SGCD: variants seen among roughly 807,000 people sequenced by gnomAD.
SGCD encodes the protein sarcoglycan delta.
A neutral mutation model predicts 36.6 loss-of-function variants in SGCD; 18 were observed. The ratio of observed to expected loss-of-function variants is 0.49; its 90% CI spans 0.34 to 0.73. SGCD has a LOEUF of 0.73. Among genes scored for constraint, SGCD ranks in the 30% least tolerant of loss-of-function variants. SGCD has a pLI of 0.01. For synonymous variants in SGCD, 133 were observed against 130.6 expected (o/e 1.02, Z -0.12); for missense variants, 387 against 346.7 (o/e 1.12, Z -0.92).
rs74654850 is a variant in SGCD at position 156,416,552 on chromosome 5, A to G, written c.192+71875A>G. Among the ~76,000 whole-genome samples, 319 of 152,276 alleles carry G rather than the reference A, an allele frequency of 2.1e-3. 7 individuals carry two copies. The East Asian group carries it at 0.045, about 22-fold the overall frequency. ...TTTAAATGAAAAAAATGGGGGGGGAAAAAAGTGCTTTGGCACCTTAATTTG... is the reference window on the plus strand; with the variant it reads ...TTTAAATGAAAAAAATGGGGGGGGAGAAAAGTGCTTTGGCACCTTAATTTG... On this transcript the variant is annotated intron_variant, in intron 3 of 8. Transcript: ENST00000337851.
chr5:156,040,202 T>C (rs1377928003), intron 1 of SGCD, among the ~76,000 whole-genome samples: 1 of 152,198 alleles, frequency 6.6e-6, no homozygotes, highest in Non-Finnish European at 1.5e-5. Flanking sequence ...TCCTTTTACA[T>C]TAAGCAGACC....
At chr5:156,231,726 T>C (rs574127945) in intron 3 of SGCD, among the ~76,000 whole-genome samples, 48 of 152,276 alleles carry the variant, frequency 3.2e-4, no homozygotes, top group Middle Eastern at 3.4e-3. Context: ...AGAGAGCTTG[T>C]AGGGATATTG....
rs866836570 is a variant in SGCD, at chr5:156,609,348, A to T, written c.502+14297A>T. 2.7e-3 allele frequency among the ~76,000 whole-genome samples: 410 copies of T among 152,180 alleles called. 3 individuals carry two copies. Among genetic ancestry groups the T allele is most frequent in the African/African-American group, 9.4e-3 (390 of 41,534 alleles). Reference sequence around the variant, plus strand: ...TGAGATGCTGGGTTGAAAATTCTTTACTTTAAGAATGTTGAATATTGGCCC... The same window carrying T: ...TGAGATGCTGGGTTGAAAATTCTTTTCTTTAAGAATGTTGAATATTGGCCC... On this transcript the variant is annotated intron_variant, in intron 6 of 8. Transcript: ENST00000337851.
At chr5:156,071,131 T>A (rs1273085809) in intron 1 of SGCD, among the ~76,000 whole-genome samples, 1 of 152,218 alleles carries the variant, frequency 6.6e-6, no homozygotes, top group Non-Finnish European at 1.5e-5. Flanking sequence ...TCTATTTCCT[T>A]CAGTTCTGCT....
chr5:155,952,093 C>A (rs552343433), intron 1 of SGCD, among the ~76,000 whole-genome samples: 1 of 152,232 alleles, frequency 6.6e-6, no homozygotes, highest in Admixed American at 6.5e-5. Flanking sequence ...AACAGGTGTT[C>A]ATTGTGTACC....
Position 156,636,221 on chromosome 5 carries a change from G to A in SGCD, c.503-11243G>A, listed in dbSNP as rs146955718. On this transcript the variant is annotated intron_variant, in intron 6 of 8. Transcript: ENST00000337851. The stretch of plus-strand genomic sequence containing the variant: ...AGACCATTTAACTACAGGCTTACTC[G>A]TTTACTTACTTACTACTTACTGGAA... Among the ~76,000 whole-genome samples the A allele has an allele frequency of 2.6e-4, 40 of 152,204 alleles. 1 individual carries two copies. In the East Asian group the frequency reaches 4.8e-3, roughly 18 times the overall value.
intron 3 of SGCD, among the ~76,000 whole-genome samples, chr5:156,149,512 GTCTCTTGGT>G (rs1762783296): frequency 6.6e-6 from 1 of 152,060 alleles, no homozygotes; most frequent in Admixed American, 6.5e-5. Flanking sequence ...TTTCTTCCTT[GTCTCTTGGT>G]TCTCAGTAAA....
chr5:155,969,971 G>GA (rs1252997763), intron 1 of SGCD, among the ~76,000 whole-genome samples: 2 of 151,468 alleles, frequency 1.3e-5, no homozygotes, highest in African/African-American at 4.8e-5. Context: ...TTTGAAAAAT[G>GA]AAAGTTTTAG....
the SGCD span, among the ~76,000 whole-genome samples, chr5:155,728,024 G>C: frequency 7.9e-5 from 12 of 152,142 alleles, no homozygotes; most frequent in Middle Eastern, 3.4e-3. Context: ...CCCGCGTTTC[G>C]CTGGGGCTCC....
intron 3 of SGCD, among the ~76,000 whole-genome samples, chr5:156,139,773 T>C (rs1261503211): frequency 1.3e-5 from 2 of 152,158 alleles, no homozygotes; most frequent in African/African-American, 4.8e-5. Flanking sequence ...AAAACATAGT[T>C]GCTATGGTTC....
Position 156,630,769 on chromosome 5 carries a change from G to C in SGCD, c.503-16695G>C, listed in dbSNP as rs571680510. 1.9e-3 allele frequency among the ~76,000 whole-genome samples: 287 copies of C among 152,308 alleles called. 5 individuals carry two copies. The South Asian group carries it at 0.028, about 15-fold the overall frequency. On this transcript the variant is annotated intron_variant, in intron 6 of 8. Coordinates refer to ENST00000337851, the MANE Select transcript of SGCD (RefSeq NM_000337.6). ...CTGGTGAGCATGGACCCATGAAACAGTGCTGGATAGTAAGATTTGACATTA... is the reference window on the plus strand; with the variant it reads ...CTGGTGAGCATGGACCCATGAAACACTGCTGGATAGTAAGATTTGACATTA...
chr5:156,504,007 C>T (rs2127867440), intron 3 of SGCD, among the ~76,000 whole-genome samples: 1 of 151,910 alleles, frequency 6.6e-6, no homozygotes, highest in African/African-American at 2.4e-5. Flanking sequence ...AGTTTGAGAC[C>T]AGCCTGGCCA....
rs542798503 is a variant in SGCD, at chr5:156,698,211, G to A, written c.575+50675G>A. 2.9e-4 allele frequency among the ~76,000 whole-genome samples: 44 copies of A among 152,218 alleles called. 2 individuals carry two copies. In the South Asian group the frequency reaches 8.7e-3, roughly 30 times the overall value. On this transcript the variant is annotated intron_variant, in intron 7 of 8. Transcript: ENST00000337851. ...TTAGAAACCTCATTTCAGCTCAGAT[G>A]GAATGACCCACACTTTCTAGGCATG...
At chr5:156,296,508 A>G (rs1008279302) in intron 3 of SGCD, among the ~76,000 whole-genome samples, 2 of 151,296 alleles carry the variant, frequency 1.3e-5, no homozygotes, top group Admixed American at 6.6e-5. Flanking sequence ...ATTTGTCTCT[A>G]AGTGTTTTCT....
intron 1 of SGCD, among the ~76,000 whole-genome samples, chr5:155,871,190 C>T (rs974734501): frequency 3.9e-5 from 6 of 151,998 alleles, no homozygotes; most frequent in African/African-American, 4.8e-5. Context: ...ATATAACCTC[C>T]TTGATATTTG....
chr5:156,740,378 A>C (rs1756608835), intron 7 of SGCD, among the ~76,000 whole-genome samples: 1 of 152,256 alleles, frequency 6.6e-6, no homozygotes, highest in African/African-American at 2.4e-5. Flanking sequence ...AGTGCTAATG[A>C]ACTTCAGGTC....
chr5:156,251,714 C>G (rs999976724), intron 3 of SGCD, among the ~76,000 whole-genome samples: 1 of 152,046 alleles, frequency 6.6e-6, no homozygotes, highest in African/African-American at 2.4e-5. Flanking sequence ...CTGGGTTTCA[C>G]CATATTGGCC....
the SGCD span, among the ~76,000 whole-genome samples, chr5:155,778,492 A>G: frequency 6.6e-6 from 1 of 152,230 alleles, no homozygotes; most frequent in Non-Finnish European, 1.5e-5. Context: ...AGCAGTGCTA[A>G]AAGGGCTACC....
intron 1 of SGCD, among the ~76,000 whole-genome samples, chr5:155,904,302 C>T (rs1182104998): frequency 3.9e-5 from 6 of 152,186 alleles, no homozygotes; most frequent in Non-Finnish European, 5.9e-5. Flanking sequence ...CTTACCACTG[C>T]AATGCGTAAT....
Sources: allele counts gnomAD v4.1 joint callset (sites outside exome capture counted in the v4.1 genomes callset), GRCh38; gene constraint gnomAD v4.1.1; transcripts MANE v1.5; gene names NCBI Gene and HGNC (gene_info 2026-07-23, HGNC 2026-07-21).